Variants in PCLAF observed in about 807,000 individuals in gnomAD.
PCLAF encodes the protein PCNA-associated factor.
Under a neutral mutation model 15.1 loss-of-function variants are expected in PCLAF, and 12 were observed. That is an observed-to-expected ratio of 0.79 (90% CI 0.51 to 1.29). The LOEUF is 1.29. Among genes scored for constraint, PCLAF ranks in the 50% most tolerant of loss-of-function variants. The pLI, the probability that PCLAF is intolerant of heterozygous loss-of-function variation, is 0.00. For synonymous variants in PCLAF, 33 were observed against 47.1 expected, an observed-to-expected ratio of 0.70 and a Z score of 1.22; for missense variants, 116 against 130.9, an observed-to-expected ratio of 0.89 and a Z score of 0.56.
At chr15:64,378,905 T>C (rs997242353) in intron 2 of PCLAF, among the ~76,000 whole-genome samples, 37 of 151,086 alleles carry the variant, frequency 2.4e-4, no homozygotes, top group Non-Finnish European at 4.6e-4. Context: ...AGCGAGACTG[T>C]GTCTCAGAAA....
At chr15:64,381,243 G>T in intron 1 of PCLAF, 83 bp downstream of exon 1, 1 of 1,518,982 alleles carries the variant, frequency 6.6e-7, no homozygotes. Flanking sequence ...ACAGGGCCCA[G>T]GGGGACCTCT....
Position 64,367,231 on chromosome 15 carries a change from C to T in PCLAF, c.291-1156G>A, listed in dbSNP as rs543330066. On this transcript the variant is annotated intron_variant, in intron 3 of 3. Transcript: ENST00000300035. ...CATTATCCCAAAGTCAGGGAGGGCC[C>T]TGTGGCTCGTGCCTCTAATCTCAGC... Among the ~76,000 whole-genome samples, 20 of 152,244 alleles carry T rather than the reference C, an allele frequency of 1.3e-4. No individual in the cohort carries two copies. The South Asian group carries it at 4.1e-3, about 32-fold the overall frequency.
chr15:64,369,731 T>A (rs539883690), intron 3 of PCLAF, among the ~76,000 whole-genome samples: 4 of 152,238 alleles, frequency 2.6e-5, no homozygotes, highest in African/African-American at 9.6e-5. Flanking sequence ...TTGTAATGAA[T>A]AATTCTCAAT....
At chr15:64,367,542 T>G (rs1296281713) in intron 3 of PCLAF, among the ~76,000 whole-genome samples, 1 of 152,230 alleles carries the variant, frequency 6.6e-6, no homozygotes, top group African/African-American at 2.4e-5. Context: ...CAAAGTCATT[T>G]TGTACCCATT....
intron 3 of PCLAF, among the ~76,000 whole-genome samples, chr15:64,371,787 G>A (rs919540310): frequency 6.6e-5 from 10 of 151,834 alleles, no homozygotes; most frequent in Admixed American, 5.9e-4. Context: ...AGTAGAGACC[G>A]AGTTTCACCA....
intron 2 of PCLAF, among the ~76,000 whole-genome samples, chr15:64,379,895 T>TCAAA (rs892214303): frequency 4.0e-5 from 6 of 151,350 alleles, no homozygotes; most frequent in Admixed American, 6.6e-5. Context: ...GACATCATAC[T>TCAAA]CAAACAAACA....
chr15:64,376,248 T>G (rs771101241), intron 3 of PCLAF, among the ~76,000 whole-genome samples: 8 of 151,942 alleles, frequency 5.3e-5, no homozygotes, highest in Non-Finnish European at 1.2e-4. Context: ...GAAAAGAAAT[T>G]TGGGAGTGAG....
chr15:64,371,787 G>C (rs919540310), intron 3 of PCLAF, among the ~76,000 whole-genome samples: 1 of 151,834 alleles, frequency 6.6e-6, no homozygotes, highest in Non-Finnish European at 1.5e-5. Context: ...AGTAGAGACC[G>C]AGTTTCACCA....
At chr15:64,381,878 C>G (rs1472889135), upstream of PCLAF, among the ~76,000 whole-genome samples, 1 of 152,160 alleles carries the variant, frequency 6.6e-6, no homozygotes, top group African/African-American at 2.4e-5. Flanking sequence ...TTCCTTTAGT[C>G]CCCCAGGCAT....
intron 3 of PCLAF, among the ~76,000 whole-genome samples, chr15:64,367,179 T>C (rs1899069993): frequency 6.6e-6 from 1 of 151,872 alleles, no homozygotes; most frequent in Admixed American, 6.6e-5. Flanking sequence ...TAGCATAGAA[T>C]AGTTGTAGCT....
intron 3 of PCLAF, among the ~76,000 whole-genome samples, chr15:64,370,829 GTT>G (rs10607183): frequency 0.078 from 6,702 of 85,988 alleles, 192 homozygotes; most frequent in Middle Eastern, 0.092. Flanking sequence ...TCATAAAGTT[GTT>G]TTTTTTTTTT....
intron 3 of PCLAF, chr15:64,373,449 G>A (rs755466036): frequency 1.8e-5 from 8 of 455,528 alleles, no homozygotes; most frequent in East Asian, 4.0e-5. Context: ...ATTTGGATTC[G>A]GTTTTAGTGT....
intron 3 of PCLAF, chr15:64,373,434 G>A (rs527805000): frequency 5.6e-4 from 221 of 396,576 alleles, no homozygotes; most frequent in Non-Finnish European, 8.0e-4. Flanking sequence ...GAACTTCTAG[G>A]CACCATTTGG....
chr15:64,386,064 C>G (rs915326047), upstream of PCLAF, among the ~76,000 whole-genome samples: 1 of 152,132 alleles, frequency 6.6e-6, no homozygotes, highest in African/African-American at 2.4e-5. Context: ...TATCTGTTAT[C>G]TATCCTATTG....
At chr15:64,378,857 G>C (rs1899722607) in intron 2 of PCLAF, among the ~76,000 whole-genome samples, 1 of 151,814 alleles carries the variant, frequency 6.6e-6, no homozygotes, top group Non-Finnish European at 1.5e-5. Context: ...GTTGCAGTGA[G>C]CCGAGTTCAT....
upstream of PCLAF, among the ~76,000 whole-genome samples, chr15:64,381,833 T>C (rs372121612): frequency 5.3e-5 from 8 of 152,258 alleles, no homozygotes; most frequent in East Asian, 3.8e-4. Flanking sequence ...AGCGGACTTT[T>C]TGATGCAAAT....
upstream of PCLAF, among the ~76,000 whole-genome samples, chr15:64,383,815 C>G (rs1332106291): frequency 6.6e-6 from 1 of 152,078 alleles, no homozygotes. Context: ...AAGCAAGTTG[C>G]CAGAAAGAGT....
At chr15:64,383,045 G>A (rs1899864251), upstream of PCLAF, 1 of 157,634 alleles carries the variant, frequency 6.3e-6, no homozygotes, top group South Asian at 1.6e-4. Flanking sequence ...GATGTATTCT[G>A]TTAAATGCTC....
At chr15:64,385,022 G>T (rs573263388), upstream of PCLAF, among the ~76,000 whole-genome samples, 3 of 151,946 alleles carry the variant, frequency 2.0e-5, no homozygotes, top group African/African-American at 7.2e-5. Context: ...CAAGTAGCTG[G>T]GAACACAGGA....
Sources: gnomAD v4.1 joint callset for allele counts (sites outside exome capture counted in the v4.1 genomes callset) on GRCh38, gnomAD v4.1.1 for gene constraint, MANE v1.5 for transcripts, NCBI Gene and HGNC (gene_info 2026-07-23, HGNC 2026-07-21) for gene names.